The following GABRR3 variants were observed in gnomAD, a reference collection of about 807,000 sequenced individuals.
The protein encoded by GABRR3 is gamma-aminobutyric acid receptor subunit rho-3.
GABRR3 carries 29 observed loss-of-function variants against 43.2 expected under a neutral mutation model. The ratio of observed to expected loss-of-function variants is 0.67; its 90% CI spans 0.50 to 0.92. The LOEUF is 0.92. Ranked by LOEUF, GABRR3 falls within the 40% of genes least tolerant of loss-of-function variation. The pLI, the probability that GABRR3 is intolerant of heterozygous loss-of-function variation, is 0.00. For synonymous variants in GABRR3, 206 were observed against 195.9 expected (o/e 1.05, Z -0.43); for missense variants, 576 against 572.3 (o/e 1.01, Z -0.07).
intron 2 of GABRR3, among the ~76,000 whole-genome samples, chr3:98,033,229 GA>G (rs1707112444): frequency 6.6e-6 from 1 of 152,130 alleles, no homozygotes; most frequent in Non-Finnish European, 1.5e-5. Context: ...AAATTTTAAT[GA>G]ATCCCATTCT....
intron 4 of GABRR3, among the ~76,000 whole-genome samples, chr3:98,015,139 A>G (rs1273062102): frequency 6.6e-6 from 1 of 152,248 alleles, no homozygotes; most frequent in East Asian, 1.9e-4. Context: ...ATCTTTTCAG[A>G]TGGAAAATGG....
intron 3 of GABRR3, among the ~76,000 whole-genome samples, chr3:98,020,157 T>C (rs544864166): frequency 1.9e-3 from 286 of 152,260 alleles, no homozygotes; most frequent in Non-Finnish European, 3.3e-3. Flanking sequence ...AATGAAGTTC[T>C]AGCATGAAAG....
intron 7 of GABRR3, among the ~76,000 whole-genome samples, chr3:98,004,703 T>C (rs1399140274): frequency 6.6e-6 from 1 of 151,600 alleles, no homozygotes; most frequent in Non-Finnish European, 1.5e-5. Flanking sequence ...ACCCTGTTGT[T>C]CAGCTGTAAA....
intron 7 of GABRR3, among the ~76,000 whole-genome samples, chr3:98,003,109 C>T (rs561705719): frequency 2.6e-5 from 4 of 152,182 alleles, no homozygotes; most frequent in African/African-American, 9.6e-5. Context: ...TCACATAGTA[C>T]ATTATAAAGT....
chr3:97,993,875 A>G (rs1034997743), intron 8 of GABRR3, among the ~76,000 whole-genome samples: 4 of 151,978 alleles, frequency 2.6e-5, no homozygotes, highest in African/African-American at 9.7e-5. Flanking sequence ...AGAGGTAAGA[A>G]GATCAAGGTT....
intron 4 of GABRR3, among the ~76,000 whole-genome samples, chr3:98,017,108 T>A (rs76937651): frequency 0.013 from 1,973 of 152,302 alleles, 33 homozygotes; most frequent in African/African-American, 0.046. Flanking sequence ...AATTAAATAA[T>A]GGCAGTCTTT....
At chr3:98,002,947 A>G (rs977152939) in intron 7 of GABRR3, among the ~76,000 whole-genome samples, 1 of 152,078 alleles carries the variant, frequency 6.6e-6, no homozygotes, top group African/African-American at 2.4e-5. Flanking sequence ...GCCAACCCAC[A>G]CTGAACTGGC....
At chr3:97,995,119 C>T (rs1706518678) in intron 8 of GABRR3, among the ~76,000 whole-genome samples, 1 of 152,076 alleles carries the variant, frequency 6.6e-6, no homozygotes, top group East Asian at 1.9e-4. Flanking sequence ...GCTGGGATTA[C>T]AGGCATGCAC....
intron 7 of GABRR3, among the ~76,000 whole-genome samples, chr3:98,003,433 GT>G (rs1706678876): frequency 7.4e-6 from 1 of 134,420 alleles, no homozygotes; most frequent in Non-Finnish European, 1.6e-5. Flanking sequence ...TTTTTTTTTG[GT>G]GGGGTGGGGG....
Position 97,990,513 on chromosome 3 carries a change from A to G in GABRR3, c.1104+2339T>C, listed in dbSNP as rs772595797. Among the ~76,000 whole-genome samples the G allele has an allele frequency of 2.6e-4, 39 of 151,844 alleles. 1 individual carries two copies. The highest frequency in any genetic ancestry group is 5.1e-4 in the Non-Finnish European group (35 of 67,962). ...ACAGGTTCCCACCACACGCCCGGCT[A>G]ATTTTTGTATTTTTAGTAGACACGG... On this transcript the variant is annotated intron_variant, in intron 9 of 9. Coordinates refer to ENST00000621172, the Ensembl canonical transcript of GABRR3.
chr3:97,987,054 T>G, intron 9 of GABRR3, 72 bp from the exon 10 acceptor site: 1 of 1,014,814 alleles, frequency 9.9e-7, no homozygotes, highest in South Asian at 1.8e-5. Flanking sequence ...TAAATAATGT[T>G]AATAAAGTTA....
intron 5 of GABRR3, among the ~76,000 whole-genome samples, chr3:98,010,918 GGTGAAACC>G (rs1479666500): frequency 6.6e-6 from 1 of 152,106 alleles, no homozygotes; most frequent in Non-Finnish European, 1.5e-5. Flanking sequence ...TGGCAAACAT[GGTGAAACC>G]TTGTCTCTAC....
In GABRR3 at chr3:98,001,780, G is replaced by A; in HGVS notation, c.755-13C>T. The A allele has an allele frequency of 6.2e-7, 1 of 1,612,396 alleles. No individual in the cohort carries two copies. Among genetic ancestry groups the A allele is most frequent in the Non-Finnish European group, 8.5e-7 (1 of 1,179,032 alleles). ...CTATTGTACCAACCTGTGGAAAAAA[G>A]CCAAAGTTTTCATTAGAGCAAGCTT... is the stretch of plus-strand genomic sequence containing the variant. On this transcript the variant is annotated splice_polypyrimidine_tract_variant and intron_variant, in intron 7 of 9. Coordinates refer to ENST00000621172, the Ensembl canonical transcript of GABRR3.
chr3:97,988,599 G>A (rs1576033438), intron 9 of GABRR3, among the ~76,000 whole-genome samples: 1 of 151,932 alleles, frequency 6.6e-6, no homozygotes, highest in South Asian at 2.1e-4. Flanking sequence ...GTGAATTGTG[G>A]TGGTGGGTGG....
rs144595656 is a variant in GABRR3, at chr3:98,011,203, C to T, written c.530+1141G>A. ...AAAATGCCTGGCAACAGCTCTGTGC[C>T]GAAGTGGTTAAGGTATTTTTAACGA... is the stretch of plus-strand genomic sequence containing the variant. On this transcript the variant is annotated intron_variant, in intron 5 of 9. Coordinates refer to ENST00000621172, the Ensembl canonical transcript of GABRR3. Among the ~76,000 whole-genome samples, 27 of 152,246 alleles carry T rather than the reference C, an allele frequency of 1.8e-4. 1 individual carries two copies. Among genetic ancestry groups the T allele is most frequent in the Non-Finnish European group, 2.5e-4 (17 of 68,022 alleles).
intron 9 of GABRR3, among the ~76,000 whole-genome samples, chr3:97,992,426 G>T (rs775265180): frequency 6.6e-6 from 1 of 152,078 alleles, no homozygotes; most frequent in African/African-American, 2.4e-5. Context: ...AAATGAGGGC[G>T]ATAAAATACT....
chr3:98,034,915 A>G, exon 2 of GABRR3: 1 of 1,613,226 alleles, frequency 6.2e-7, no homozygotes, highest in Non-Finnish European at 8.5e-7. Flanking sequence ...TTGATGTTAG[A>G]AGCAGCACAA....
Position 98,012,453 on chromosome 3 carries a change from C to T in GABRR3, c.421G>A (p.Val141Met), listed in dbSNP as rs1163903730. 4 of 1,613,914 alleles carry T rather than the reference C, an allele frequency of 2.5e-6. No homozygotes were observed. In the Admixed American group the frequency reaches 6.7e-5, roughly 27 times the overall value. ...GAGTGGACAAAAAAGATATCAGGCA[C>T]CCAGATCTTTCTGGTCAATCTATGA... The change falls in exon 5 of 10, where the codon GTG becomes ATG. Residue 141 changes from valine to methionine, a missense_variant. Transcript: ENST00000621172.
At chr3:98,027,395 G>A (rs544248543) in intron 2 of GABRR3, among the ~76,000 whole-genome samples, 1 of 152,354 alleles carries the variant, frequency 6.6e-6, no homozygotes, top group Admixed American at 6.5e-5. Flanking sequence ...AAATGGAAAT[G>A]TAACTATGAG....
Sources: allele counts gnomAD v4.1 joint callset (sites outside exome capture counted in the v4.1 genomes callset), GRCh38; gene constraint gnomAD v4.1.1; transcripts MANE v1.5; gene names NCBI Gene and HGNC (gene_info 2026-07-23, HGNC 2026-07-21).